The following HECTD2 variants were observed in gnomAD, a reference collection of about 807,000 sequenced individuals.
HECTD2 encodes the protein HECT domain E3 ubiquitin protein ligase 2.
Under a neutral mutation model 103.2 loss-of-function variants are expected in HECTD2, and 35 were observed. That is an observed-to-expected ratio of 0.34 (90% CI 0.26 to 0.45). The LOEUF is 0.45. HECTD2 is among the 20% of genes least tolerant of loss of function. HECTD2 has a pLI of 1.00. For missense variants in HECTD2, 596 were observed against 937.4 expected (o/e 0.64, Z 4.76); for synonymous variants, 281 against 329.9 (o/e 0.85, Z 1.61).
chr10:91,509,916 C>G (rs1358110025), intron 20 of HECTD2, among the ~76,000 whole-genome samples: 2 of 152,016 alleles, frequency 1.3e-5, no homozygotes, highest in Non-Finnish European at 2.9e-5. Context: ...CACATGTACC[C>G]CTGAACCTAA....
chr10:91,421,748 A>G (rs1843368091), intron 1 of HECTD2, among the ~76,000 whole-genome samples: 1 of 152,172 alleles, frequency 6.6e-6, no homozygotes, highest in Admixed American at 6.5e-5. Flanking sequence ...TGTTGATAAA[A>G]CCCAGTCTAG....
intron 1 of HECTD2, among the ~76,000 whole-genome samples, chr10:91,422,774 CTCTTA>C (rs1843408710): frequency 6.6e-6 from 1 of 152,042 alleles, no homozygotes; most frequent in Non-Finnish European, 1.5e-5. Context: ...TCAATTTTCT[CTCTTA>C]TCTTTGAGAC....
Position 91,487,591 on chromosome 10 carries a change from A to G in HECTD2, c.1095-91A>G. The G allele has an allele frequency of 1.2e-6, 1 of 810,940 alleles. No individual in the cohort carries two copies. The highest frequency in any genetic ancestry group is 2.2e-6 in the Non-Finnish European group (1 of 450,916). 50.2% of individuals were successfully genotyped at this position (810,940 alleles called of 1,614,324 possible). A position where few individuals can be genotyped will look rare whatever the true frequency, so the allele number is the denominator to read the frequency against. ...AAACACAATCCAAAAGTAATGTTTT[A>G]TATTGCTACAAGGGGTACCTTAGAT... On this transcript the variant is annotated intron_variant, in intron 10 of 20. Coordinates refer to ENST00000298068, the MANE Select transcript of HECTD2 (RefSeq NM_182765.6). The surrounding 1 kb of genome is among the most constrained non-coding windows in gnomAD (Gnocchi z 4.1).
intron 5 of HECTD2, among the ~76,000 whole-genome samples, chr10:91,476,908 C>T (rs112226806): frequency 6.6e-6 from 1 of 151,944 alleles, no homozygotes; most frequent in Non-Finnish European, 1.5e-5. Flanking sequence ...GGGCCGGGCG[C>T]GGTGGCTCAT....
At chr10:91,460,919 A>C (rs1238475922) in intron 3 of HECTD2, among the ~76,000 whole-genome samples, 1 of 152,178 alleles carries the variant, frequency 6.6e-6, no homozygotes, top group East Asian at 1.9e-4. Flanking sequence ...CATTCAAAAA[A>C]TCCAGATGCA....
At chr10:91,467,320 G>A (rs917434153) in intron 5 of HECTD2, among the ~76,000 whole-genome samples, 1 of 152,164 alleles carries the variant, frequency 6.6e-6, no homozygotes, top group African/African-American at 2.4e-5. Context: ...TTTGGTATGG[G>A]AACATCTGCA....
chr10:91,428,881 T>G (rs1363929228), intron 2 of HECTD2, among the ~76,000 whole-genome samples: 1 of 151,886 alleles, frequency 6.6e-6, no homozygotes, highest in Admixed American at 6.6e-5. Flanking sequence ...CCTTCTCCTG[T>G]CTAATTGCCC....
intron 18 of HECTD2, among the ~76,000 whole-genome samples, chr10:91,499,728 C>T (rs1334486386): frequency 6.6e-6 from 1 of 152,152 alleles, no homozygotes; most frequent in Non-Finnish European, 1.5e-5. Flanking sequence ...ACCCAGCACA[C>T]ACTTTCATCA....
At chr10:91,451,539 A>G (rs1844828830) in intron 2 of HECTD2, among the ~76,000 whole-genome samples, 1 of 151,314 alleles carries the variant, frequency 6.6e-6, no homozygotes, top group African/African-American at 2.4e-5. Flanking sequence ...AAAAGATACA[A>G]ATTCTTGTGC....
intron 1 of HECTD2, among the ~76,000 whole-genome samples, chr10:91,411,744 G>C (rs916688901): frequency 6.6e-6 from 1 of 152,222 alleles, no homozygotes; most frequent in African/African-American, 2.4e-5. Flanking sequence ...AGCTACAATT[G>C]ATTGGTAGAT....
chr10:91,477,718 T>A (rs1315133339), intron 5 of HECTD2, among the ~76,000 whole-genome samples: 2 of 152,228 alleles, frequency 1.3e-5, no homozygotes, highest in Non-Finnish European at 2.9e-5. Flanking sequence ...ATTTGAAGTT[T>A]CTTGTTAATG....
chr10:91,486,183 T>C (rs1846259975), intron 10 of HECTD2: 1 of 152,252 alleles, frequency 6.6e-6, no homozygotes, highest in South Asian at 2.1e-4. Context: ...GGACCCTCTT[T>C]ATCAGAATTG....
chr10:91,410,330 A>G (rs1247451429), upstream of HECTD2: 14 of 537,600 alleles, frequency 2.6e-5, no homozygotes, highest in Non-Finnish European at 3.3e-5. Context: ...AGCGGCGGCT[A>G]GAAGCGGCAG....
At chr10:91,480,488 C>T (rs1333563627) in intron 6 of HECTD2, among the ~76,000 whole-genome samples, 3 of 151,800 alleles carry the variant, frequency 2.0e-5, no homozygotes, top group Non-Finnish European at 4.4e-5. Context: ...AAGTTACTTC[C>T]AGATATCTGT....
intron 5 of HECTD2, among the ~76,000 whole-genome samples, chr10:91,469,007 A>G (rs544876481): frequency 6.6e-6 from 1 of 152,266 alleles, no homozygotes; most frequent in African/African-American, 2.4e-5. Flanking sequence ...AGCTAAAGAA[A>G]GAATTTCAGA....
At chr10:91,451,994 A>G (rs1274363957) in intron 2 of HECTD2, among the ~76,000 whole-genome samples, 2 of 152,174 alleles carry the variant, frequency 1.3e-5, no homozygotes, top group African/African-American at 4.8e-5. Flanking sequence ...AGAAAATACA[A>G]CAATCAAAGT....
chr10:91,479,138 C>G (rs1846004811), intron 6 of HECTD2, among the ~76,000 whole-genome samples: 1 of 152,136 alleles, frequency 6.6e-6, no homozygotes, highest in Non-Finnish European at 1.5e-5. Flanking sequence ...TCGTTCGAAT[C>G]CTGGAGGCAG....
chr10:91,499,463 C>A (rs1394671959), intron 18 of HECTD2, among the ~76,000 whole-genome samples: 2 of 152,100 alleles, frequency 1.3e-5, no homozygotes, highest in Non-Finnish European at 2.9e-5. Flanking sequence ...AGGCACACAA[C>A]GCAGTTAACA....
chr10:91,431,727 C>G (rs993043705), intron 2 of HECTD2, among the ~76,000 whole-genome samples: 3 of 152,072 alleles, frequency 2.0e-5, no homozygotes, highest in African/African-American at 2.4e-5. Flanking sequence ...GCTTTCAGCT[C>G]CATCAGCTCC....
Sources: allele counts gnomAD v4.1 joint callset (sites outside exome capture counted in the v4.1 genomes callset), GRCh38; gene constraint gnomAD v4.1.1; non-coding constraint Gnocchi (gnomAD v3.1); transcripts MANE v1.5; gene names NCBI Gene and HGNC (gene_info 2026-07-23, HGNC 2026-07-21).